Variants in EPB41L4A observed in about 807,000 individuals in gnomAD.
EPB41L4A encodes erythrocyte membrane protein band 4.1 like 4A.
In EPB41L4A, 100 loss-of-function variants were observed where a neutral mutation model predicts 108.6. The ratio of observed to expected loss-of-function variants is 0.92; its 90% confidence interval spans 0.78 to 1.09. EPB41L4A has a LOEUF of 1.09. Among genes scored for constraint, EPB41L4A ranks in the 50% least tolerant of loss-of-function variants. The probability of loss-of-function intolerance (pLI) is 0.00; values close to 1 mark genes in which losing one functional copy is unlikely to be tolerated. For synonymous variants in EPB41L4A, 319 were observed against 289.0 expected (o/e 1.10, Z -1.05); for missense variants, 1,030 against 842.7 (o/e 1.22, Z -2.75).
At chr5:112,405,829 CTG>C (rs1340365115) in intron 1 of EPB41L4A, among the ~76,000 whole-genome samples, 1 of 152,168 alleles carries the variant, frequency 6.6e-6, no homozygotes, top group East Asian at 1.9e-4. Flanking sequence ...ATATCATACT[CTG>C]TTGTTTTATA....
intron 1 of EPB41L4A, among the ~76,000 whole-genome samples, chr5:112,347,545 C>T (rs1418650552): frequency 1.3e-5 from 2 of 152,128 alleles, no homozygotes; most frequent in African/African-American, 2.4e-5. Flanking sequence ...ATGGACTCAC[C>T]TAAGAACACA....
chr5:112,161,803 G>C (rs751642591), downstream of EPB41L4A: 12 of 303,710 alleles, frequency 4.0e-5, no homozygotes, highest in Non-Finnish European at 7.3e-5. Context: ...AAAGCACTTT[G>C]TAATGGGAAT....
intron 1 of EPB41L4A, among the ~76,000 whole-genome samples, chr5:112,362,380 G>A (rs910527331): frequency 4.7e-5 from 7 of 149,460 alleles, no homozygotes; most frequent in South Asian, 2.1e-4. Flanking sequence ...TCCCACATTC[G>A]AGCGATTCTC....
chr5:112,338,312 C>G (rs1713448175), intron 1 of EPB41L4A, among the ~76,000 whole-genome samples: 1 of 152,140 alleles, frequency 6.6e-6, no homozygotes, highest in Admixed American at 6.5e-5. Flanking sequence ...TTCAAAGAAG[C>G]TACTTTCTTT....
chr5:112,398,933 A>G (rs891483632), intron 1 of EPB41L4A, among the ~76,000 whole-genome samples: 5 of 128,312 alleles, frequency 3.9e-5, no homozygotes, highest in Non-Finnish European at 7.4e-5. Flanking sequence ...TATCCTAGAA[A>G]AAAAAAAAAA....
chr5:112,211,024 A>C (rs1762712326), intron 12 of EPB41L4A, among the ~76,000 whole-genome samples: 1 of 152,124 alleles, frequency 6.6e-6, no homozygotes. Flanking sequence ...GTCAGGTACT[A>C]TTACAAGCGC....
At chr5:112,222,366 G>A (rs1044020816) in intron 12 of EPB41L4A, among the ~76,000 whole-genome samples, 1 of 152,156 alleles carries the variant, frequency 6.6e-6, no homozygotes, top group African/African-American at 2.4e-5. Flanking sequence ...TACTGCCTGT[G>A]TAATCTCAAA....
At chr5:112,273,135 C>T (rs1248449995) in intron 4 of EPB41L4A, among the ~76,000 whole-genome samples, 1 of 152,170 alleles carries the variant, frequency 6.6e-6, no homozygotes, top group African/African-American at 2.4e-5. Context: ...GTAATATATT[C>T]ATGCAAATCA....
At chr5:112,222,245 T>G (rs1322769944) in intron 12 of EPB41L4A, among the ~76,000 whole-genome samples, 1 of 152,144 alleles carries the variant, frequency 6.6e-6, no homozygotes, top group African/African-American at 2.4e-5. Context: ...AAAACAGAAG[T>G]TGTATATTTT....
intron 15 of EPB41L4A, among the ~76,000 whole-genome samples, chr5:112,203,869 C>G (rs544718525): frequency 6.6e-6 from 1 of 151,744 alleles, no homozygotes; most frequent in African/African-American, 2.4e-5. Flanking sequence ...TGGAAAAACC[C>G]CTACTAAAAA....
chr5:112,375,846 G>A (rs115097764), intron 1 of EPB41L4A, among the ~76,000 whole-genome samples: 104 of 152,248 alleles, frequency 6.8e-4, no homozygotes, highest in African/African-American at 2.3e-3. Flanking sequence ...CTGACTTCAC[G>A]AATTAGAGTG....
chr5:112,240,779 C>T lies in EPB41L4A; in HGVS notation c.827G>A (p.Arg276Gln), dbSNP rs778624919. 15 of 1,587,622 alleles carry T rather than the reference C, an allele frequency of 9.4e-6. No individual in the cohort carries two copies. Among genetic ancestry groups the T allele is most frequent in the Middle Eastern group, 1.7e-4 (1 of 6,002 alleles). The change falls in exon 10 of 23, where the codon CGG becomes CAG. Residue 276 changes from arginine to glutamine, a missense_variant. Arg to Gln is a conservative substitution (Grantham distance 43, BLOSUM62 1). Coordinates refer to ENST00000261486, the MANE Select transcript of EPB41L4A (RefSeq NM_022140.5). ...GAGGTGCTTGCAAGCAGTTTTACTCCGAGCTTCAAAAAAGAATGAGGTTTC... is the reference window on the plus strand; with the variant it reads ...GAGGTGCTTGCAAGCAGTTTTACTCTGAGCTTCAAAAAAGAATGAGGTTTC... ...CNETSFFFEA[R>Q]SKTACKHLWK...
chr5:112,196,259 G>C (rs1761962102), intron 15 of EPB41L4A, among the ~76,000 whole-genome samples: 1 of 152,142 alleles, frequency 6.6e-6, no homozygotes, highest in Non-Finnish European at 1.5e-5. Flanking sequence ...GCTGGCTCTA[G>C]AGCCAGACAA....
downstream of EPB41L4A, among the ~76,000 whole-genome samples, chr5:112,158,246 T>A (rs2112827355): frequency 6.6e-6 from 1 of 152,316 alleles, no homozygotes; most frequent in South Asian, 2.1e-4. Flanking sequence ...ACAAGAAGGT[T>A]CCATATTTGG....
At chr5:112,244,464 G>C (rs1342634503) in intron 9 of EPB41L4A, among the ~76,000 whole-genome samples, 1 of 152,120 alleles carries the variant, frequency 6.6e-6, no homozygotes, top group Non-Finnish European at 1.5e-5. Context: ...GAAGAAAGGA[G>C]GGAGGAGGGC....
intron 9 of EPB41L4A, among the ~76,000 whole-genome samples, chr5:112,245,770 A>C (rs1750166146): frequency 6.6e-6 from 1 of 152,210 alleles, no homozygotes; most frequent in African/African-American, 2.4e-5. Context: ...CCAAGTGAAC[A>C]AGACTGCTCA....
intron 1 of EPB41L4A, among the ~76,000 whole-genome samples, chr5:112,325,181 C>A (rs1265713986): frequency 6.6e-6 from 1 of 152,206 alleles, no homozygotes; most frequent in East Asian, 1.9e-4. Flanking sequence ...GTGGCTCACG[C>A]CTGTAATCCC....
intron 6 of EPB41L4A, 26 bp downstream of exon 6, chr5:112,264,870 A>T: frequency 6.3e-7 from 1 of 1,598,958 alleles, no homozygotes; most frequent in Non-Finnish European, 8.5e-7. Flanking sequence ...GGATGATGCA[A>T]TAAGACATGG....
At chr5:112,255,754 A>G (rs1320817071) in intron 9 of EPB41L4A, among the ~76,000 whole-genome samples, 1 of 152,136 alleles carries the variant, frequency 6.6e-6, no homozygotes, top group Non-Finnish European at 1.5e-5. Context: ...ATTCAAATTT[A>G]TATATTCTGC....
Sources: allele counts gnomAD v4.1 joint callset (sites outside exome capture counted in the v4.1 genomes callset), GRCh38; gene constraint gnomAD v4.1.1; transcripts MANE v1.5; gene names NCBI Gene and HGNC (gene_info 2026-07-23, HGNC 2026-07-21).